Variants in ATG4B observed in about 807,000 individuals in gnomAD.
ATG4B encodes the protein cysteine protease ATG4B.
ATG4B carries 29 observed loss-of-function variants against 56.6 expected under a neutral mutation model. That is an observed-to-expected ratio of 0.51 (90% confidence interval 0.38 to 0.70). The LOEUF (loss-of-function observed/expected upper bound fraction) is 0.70, where lower values mean the gene tolerates loss of function less well. ATG4B is among the 30% of genes least tolerant of loss of function. The pLI is 0.00. For missense variants in ATG4B, 461 were observed against 515.5 expected (o/e 0.89, Z 1.02); for synonymous variants, 224 against 206.1 (o/e 1.09, Z -0.74).
At chr2:241,645,147 A>T (rs2068025190) in intron 1 of ATG4B, among the ~76,000 whole-genome samples, 1 of 152,040 alleles carries the variant, frequency 6.6e-6, no homozygotes, top group Non-Finnish European at 1.5e-5. Flanking sequence ...GGGCCTGCCG[A>T]GGGCATTCCT....
At position 241,659,104 on chromosome 2, in the gene ATG4B, G is replaced by A. The variant is rs189930153; in HGVS notation, c.459-4G>A. Reference sequence around the variant, plus strand: ...GCTTATGGTCATTCTCCTACTCTCTGTAGGAAGCTTGCTGTCTTCGATACG... The same window carrying A: ...GCTTATGGTCATTCTCCTACTCTCTATAGGAAGCTTGCTGTCTTCGATACG... On this transcript the variant is annotated splice_region_variant and splice_polypyrimidine_tract_variant and intron_variant, in intron 6 of 12. Transcript: ENST00000404914. 1.9e-5 allele frequency: 30 copies of A among 1,600,558 alleles called. No individual in the cohort carries two copies. In the Middle Eastern group the frequency reaches 1.2e-3, roughly 62 times the overall value.
At position 241,639,332 on chromosome 2, in the gene ATG4B, G is replaced by T. The variant is rs981113001; in HGVS notation, c.10+1608G>T. Among the ~76,000 whole-genome samples, 4 of 152,338 alleles carry T rather than the reference G, an allele frequency of 2.6e-5. No homozygotes were observed. In the South Asian group the frequency reaches 8.3e-4, roughly 32 times the overall value. ...TGCTTACAACCCTGAAGCCCAAGAG[G>T]GGGTGTTGCAGAGTGTCAGCAGCCC... On this transcript the variant is annotated intron_variant, in intron 1 of 12. Coordinates refer to ENST00000404914, the MANE Select transcript of ATG4B (RefSeq NM_013325.5).
rs552475368 is a variant in ATG4B, at chr2:241,673,680, G to A, written c.*1416G>A. ...TCTCCATTCCTTGGGCTCCACGTCCGAGTTCATGGTGCGCCGCTGTGCTGG... is the reference window on the plus strand; with the variant it reads ...TCTCCATTCCTTGGGCTCCACGTCCAAGTTCATGGTGCGCCGCTGTGCTGG... On this transcript the variant is annotated 3_prime_UTR_variant, in exon 13 of 13. Coordinates refer to ENST00000404914, the MANE Select transcript of ATG4B (RefSeq NM_013325.5). The A allele has an allele frequency of 2.4e-5, 11 of 456,152 alleles. No homozygotes were observed. The Middle Eastern group carries it at 1.7e-3, about 69-fold the overall frequency. The allele number at this position is 456,152 out of a possible 1,614,324, so 28.3% of individuals were successfully genotyped here. A position where few individuals can be genotyped will look rare whatever the true frequency, so the allele number is the denominator to read the frequency against.
intron 8 of ATG4B, among the ~76,000 whole-genome samples, chr2:241,667,577 C>T (rs2068819192): frequency 6.6e-6 from 1 of 150,940 alleles, no homozygotes; most frequent in African/African-American, 2.4e-5. Flanking sequence ...GCACTCCATC[C>T]TGGGTGACAG....
chr2:241,653,684 T>G (rs891866171), intron 4 of ATG4B, 74 bp downstream of exon 4: 14 of 1,355,318 alleles, frequency 1.0e-5, no homozygotes, highest in Non-Finnish European at 1.3e-5. Flanking sequence ...GGGTCAGGGC[T>G]CTTTAGAGCA....
rs1001691434 is a variant in ATG4B, at chr2:241,659,353, G to A, written c.538+166G>A. The A allele has an allele frequency of 3.6e-5, 25 of 703,186 alleles. No homozygotes were observed. The Middle Eastern group carries it at 7.1e-4, about 20-fold the overall frequency. The allele number at this position is 703,186 out of a possible 1,614,324, so 43.6% of individuals were successfully genotyped here. A position where few individuals can be genotyped will look rare whatever the true frequency, so the allele number is the denominator to read the frequency against. On this transcript the variant is annotated intron_variant, in intron 7 of 12. Coordinates refer to ENST00000404914, the MANE Select transcript of ATG4B (RefSeq NM_013325.5). ...GCCAAGCCAGATGCACGGTGGCCTC[G>A]CTCTCCTATCCCGGCGGTCATACCA... is the stretch of plus-strand genomic sequence containing the variant.
At chr2:241,659,952 G>A (rs2068540048) in intron 7 of ATG4B, among the ~76,000 whole-genome samples, 1 of 152,186 alleles carries the variant, frequency 6.6e-6, no homozygotes, top group African/African-American at 2.4e-5. Context: ...AGCACCTTGG[G>A]AGGCCGAGGT....
Position 241,640,775 on chromosome 2 carries a change from G to A in ATG4B, c.10+3051G>A, listed in dbSNP as rs139030049. Among the ~76,000 whole-genome samples the A allele has an allele frequency of 1.1e-3, 173 of 152,288 alleles. 1 individual carries two copies. The highest frequency in any genetic ancestry group is 3.8e-3 in the African/African-American group (156 of 41,548). ...GGGCAGGTAGCAAGAGCCTGGTGTG[G>A]CTCAGGTGCAGCGGGTGGCGGTGGG... On this transcript the variant is annotated intron_variant, in intron 1 of 12. Coordinates refer to ENST00000404914, the MANE Select transcript of ATG4B (RefSeq NM_013325.5).
rs1451697892 is a variant in ATG4B at position 241,668,626 on chromosome 2, C to T, written c.898C>T (p.His300Tyr). ...CTGCTTCATCCCGGACGAGAGCTTC[C>T]ACTGCCAGCACCCGCCGTGCCGCAT... is the stretch of plus-strand genomic sequence containing the variant. ...DGCFIPDESF[H>Y]CQHPPCRMSI... Residue 300 changes from histidine to tyrosine, a missense_variant, in exon 10 of 13, where the codon CAC becomes TAC. Transcript: ENST00000404914. This position sits in a 1 kb window ranked among gnomAD's most constrained non-coding sequence, Gnocchi z 4.2. 3.8e-6 allele frequency: 6 copies of T among 1,583,454 alleles called. No homozygotes were observed. Among genetic ancestry groups the T allele is most frequent in the Non-Finnish European group, 5.2e-6 (6 of 1,164,954 alleles).
chr2:241,647,941 C>T lies in ATG4B; in HGVS notation c.11-3069C>T, dbSNP rs182977349. Among the ~76,000 whole-genome samples the T allele has an allele frequency of 2.1e-4, 32 of 152,156 alleles. No individual in the cohort carries two copies. The East Asian group carries it at 6.0e-3, about 29-fold the overall frequency. ...CCAGCCTGGCTAACACAGTGAAACC[C>T]TGTCTCTACTAAAAATACAAAAATT... is the stretch of plus-strand genomic sequence containing the variant. On this transcript the variant is annotated intron_variant, in intron 1 of 12. Coordinates refer to ENST00000404914, the MANE Select transcript of ATG4B (RefSeq NM_013325.5).
intron 10 of ATG4B, 119 bp from the exon 11 acceptor site, chr2:241,670,607 T>C: frequency 1.0e-6 from 1 of 962,056 alleles, no homozygotes; most frequent in Non-Finnish European, 1.6e-6. Flanking sequence ...GGCTGGAATG[T>C]CCAGCACCTG....
Position 241,647,639 on chromosome 2 carries a change from A to AAAAAG in ATG4B, c.11-3362_11-3358dup, listed in dbSNP as rs1559251770. On this transcript the variant is annotated intron_variant, in intron 1 of 12. Transcript: ENST00000404914. ...CTCCGTCTCAAAAAAAAAAAAAAAA[A>AAAAAG]AAAAGAAAAGAAATTAGACCGGTGG... 1.7e-4 allele frequency among the ~76,000 whole-genome samples: 25 copies of AAAAAG among 147,160 alleles called. 1 individual carries two copies. The highest frequency in any genetic ancestry group is 1.6e-4 in the Non-Finnish European group (11 of 67,128).
Position 241,672,586 on chromosome 2 carries a change from G to A in ATG4B, c.*322G>A, listed in dbSNP as rs139518963. On this transcript the variant is annotated 3_prime_UTR_variant, in exon 13 of 13. Transcript: ENST00000404914. ...CAGTCCCACTTGCTCCCAGGCGCCG[G>A]TTCTGTGGTTGGTTTGGAATTAAAG... The A allele has an allele frequency of 5.4e-6, 2 of 369,760 alleles. No individual in the cohort carries two copies. The highest frequency in any genetic ancestry group is 4.1e-5 in the African/African-American group (2 of 49,088). The allele number at this position is 369,760 out of a possible 1,614,324, so 22.9% of individuals were successfully genotyped here. A position where few individuals can be genotyped will look rare whatever the true frequency, so the allele number is the denominator to read the frequency against.
At chr2:241,671,632 G>C in intron 12 of ATG4B, 4 of 1,477,306 alleles carry the variant, frequency 2.7e-6, no homozygotes, top group Non-Finnish European at 3.6e-6. Context: ...AGCGCTGCCT[G>C]CCCGGGCGCT....
rs376588808 is a variant in ATG4B at position 241,655,347 on chromosome 2, T to C, written c.458+4T>C. 5.0e-6 allele frequency: 8 copies of C among 1,605,276 alleles called. No individual in the cohort carries two copies. The African/African-American group carries it at 9.4e-5, about 19-fold the overall frequency. ...ACACTGTCGCCCAGGTCCTGAAGTA[T>C]GTACTGCGCTTCCACTGCTGAGCAT... On this transcript the variant is annotated splice_donor_region_variant and intron_variant, in intron 6 of 12. Transcript: ENST00000404914.
In ATG4B at chr2:241,651,081, A is replaced by G. The variant is rs1301832901; in HGVS notation, c.82A>G (p.Ile28Val). The G allele has an allele frequency of 6.2e-7, 1 of 1,613,826 alleles. No homozygotes were observed. Among genetic ancestry groups the G allele is most frequent in the Non-Finnish European group, 8.5e-7 (1 of 1,179,836 alleles). The change falls in exon 2 of 13, where the codon ATA becomes GTA. Residue 28 changes from isoleucine to valine, a missense_variant. Ile to Val is a conservative substitution (Grantham distance 29). Transcript: ENST00000404914. The surrounding 1 kb of genome is among the most constrained non-coding windows in gnomAD (Gnocchi z 4.1). ...DFPETSEPVW[I>V]LGRKYSIFTE... ...TCCTGAGACCTCAGAGCCCGTTTGG[A>G]TACTGGGTAGAAAATACAGCATTTT... is the stretch of plus-strand genomic sequence containing the variant.
chr2:241,646,936 C>A (rs773006482), intron 1 of ATG4B, among the ~76,000 whole-genome samples: 1 of 152,062 alleles, frequency 6.6e-6, no homozygotes, highest in African/African-American at 2.4e-5. Context: ...GCACCTGCCA[C>A]CATGCCCGAG....
rs771327739 is a variant in ATG4B at position 241,668,500 on chromosome 2, G to A, written c.812-40G>A. 6.3e-7 allele frequency: 1 copy of A among 1,592,378 alleles called. No homozygotes were observed. ...GCCTCCTCTGTCCCTTTCCTCTGCC[G>A]GCTCGGCCACCCACCTGCCCACCTG... On this transcript the variant is annotated intron_variant, in intron 9 of 12. Transcript: ENST00000404914. The surrounding 1 kb of genome is among the most constrained non-coding windows in gnomAD (Gnocchi z 4.2).
In ATG4B at chr2:241,668,952, CGTGCTGAGT is replaced by C; in HGVS notation, c.957+272_957+280del. 1 of 502,732 alleles carries C rather than the reference CGTGCTGAGT, an allele frequency of 2.0e-6. No individual in the cohort carries two copies. The highest frequency in any genetic ancestry group is 3.5e-6 in the Non-Finnish European group (1 of 284,316). 31.1% of individuals were successfully genotyped at this position (502,732 alleles called of 1,614,324 possible). On this transcript the variant is annotated intron_variant, in intron 10 of 12. Coordinates refer to ENST00000404914, the MANE Select transcript of ATG4B (RefSeq NM_013325.5). The surrounding 1 kb of genome is among the most constrained non-coding windows in gnomAD (Gnocchi z 4.2). The stretch of plus-strand genomic sequence containing the variant: ...GTCTGGATGTGAGCGTGTGTGGGCG[CGTGCTGAGT>C]GTGCATGGATGAGTGTGAGCCATGG...
Sources: gnomAD v4.1 joint callset for allele counts (sites outside exome capture counted in the v4.1 genomes callset) on GRCh38, gnomAD v4.1.1 for gene constraint, Gnocchi (gnomAD v3.1) non-coding constraint, MANE v1.5 for transcripts, NCBI Gene and HGNC (gene_info 2026-07-23, HGNC 2026-07-21) for gene names.